The following CELF2 variants were observed in gnomAD, a reference collection of about 807,000 sequenced individuals.
The protein encoded by CELF2 is CUG triplet repeat RNA-binding protein 2.
CELF2 carries 8 observed loss-of-function variants against 62.6 expected under a neutral mutation model. The ratio of observed to expected loss-of-function variants is 0.13; its 90% CI spans 0.07 to 0.23. The LOEUF (loss-of-function observed/expected upper bound fraction) is 0.23. CELF2 is among the 10% of genes least tolerant of loss of function. CELF2 has a pLI of 1.00. For missense variants in CELF2, 333 were observed against 671.0 expected, an observed-to-expected ratio of 0.50 and a Z score of 5.56; for synonymous variants, 258 against 250.0, an observed-to-expected ratio of 1.03 and a Z score of -0.30.
the CELF2 span, among the ~76,000 whole-genome samples, chr10:10,587,274 T>C: frequency 6.6e-6 from 1 of 152,222 alleles, no homozygotes; most frequent in Non-Finnish European, 1.5e-5. Context: ...AAAATGTCGA[T>C]AGGACATGCA....
the CELF2 span, among the ~76,000 whole-genome samples, chr10:10,500,257 A>G: frequency 6.6e-6 from 1 of 152,240 alleles, no homozygotes; most frequent in African/African-American, 2.4e-5. Flanking sequence ...ACATATAGTT[A>G]CAAGAAATAA....
the CELF2 span, among the ~76,000 whole-genome samples, chr10:10,506,606 T>C: frequency 1.3e-5 from 2 of 150,050 alleles, no homozygotes; most frequent in Admixed American, 6.7e-5. Flanking sequence ...GTTATAATCC[T>C]GGACTCTGGA....
At chr10:10,774,540 C>T in the CELF2 span, among the ~76,000 whole-genome samples, 2 of 152,148 alleles carry the variant, frequency 1.3e-5, no homozygotes, top group African/African-American at 2.4e-5. Context: ...TGGCACCTTC[C>T]CTGCCCCCGC....
chr10:11,319,042 T>G lies in CELF2; in HGVS notation c.1097-2147T>G, dbSNP rs1367164361. 2.1e-6 allele frequency: 1 copy of G among 471,004 alleles called. No individual in the cohort carries two copies. Among genetic ancestry groups the G allele is most frequent in the South Asian group, 1.5e-5 (1 of 64,568 alleles). The allele number at this position is 471,004 out of a possible 1,614,324, so 29.2% of individuals were successfully genotyped here. Reference sequence around the variant, plus strand: ...CCTCGTCTGGCAGCAAGGCCCCACATGGCTCTGCAGGCTGCGAGGCACACC... The same window carrying G: ...CCTCGTCTGGCAGCAAGGCCCCACAGGGCTCTGCAGGCTGCGAGGCACACC... On this transcript the variant is annotated intron_variant, in intron 10 of 12. Transcript: ENST00000633077. This position sits in a 1 kb window ranked among gnomAD's most constrained non-coding sequence, Gnocchi z 4.4.
chr10:10,714,127 T>C, the CELF2 span, among the ~76,000 whole-genome samples: 2 of 152,148 alleles, frequency 1.3e-5, no homozygotes, highest in Non-Finnish European at 2.9e-5. Context: ...AGTCTTTAGA[T>C]GGTGATTAAA....
At chr10:11,323,075 T>C (rs2095528578) in intron 11 of CELF2, among the ~76,000 whole-genome samples, 1 of 151,656 alleles carries the variant, frequency 6.6e-6, no homozygotes, top group Non-Finnish European at 1.5e-5. Context: ...TGAAACAACA[T>C]GTTTCGAAAC....
the CELF2 span, among the ~76,000 whole-genome samples, chr10:10,687,593 G>C: frequency 6.6e-6 from 1 of 151,920 alleles, no homozygotes. Context: ...ATCTCCCTAG[G>C]GCACTCACTG....
the CELF2 span, among the ~76,000 whole-genome samples, chr10:10,503,108 G>A: frequency 7.2e-5 from 11 of 151,960 alleles, no homozygotes; most frequent in South Asian, 1.2e-3. Flanking sequence ...CATGATTTCT[G>A]TTTTTTACAT....
At chr10:11,094,002 G>C (rs538307012) in intron 1 of CELF2, among the ~76,000 whole-genome samples, 1 of 152,280 alleles carries the variant, frequency 6.6e-6, no homozygotes, top group South Asian at 2.1e-4. Flanking sequence ...TTACAGATGA[G>C]ATCAGACCAA....
intron 1 of CELF2, among the ~76,000 whole-genome samples, chr10:10,872,271 C>G (rs928059726): frequency 6.6e-6 from 1 of 152,070 alleles, no homozygotes; most frequent in African/African-American, 2.4e-5. Flanking sequence ...GACTGTGTAA[C>G]GCAGAGGCCA....
At position 11,110,084 on chromosome 10, in the gene CELF2, C is replaced by A. The variant is rs1208962955; in HGVS notation, c.75-55402C>A. ...GACCAGCTTGGGCAACATAGCAAGA[C>A]CTCATTGCTACTAAAAATTTTTAAA... is the stretch of plus-strand genomic sequence containing the variant. On this transcript the variant is annotated intron_variant, in intron 1 of 12. Coordinates refer to ENST00000633077, the MANE Select transcript of CELF2 (RefSeq NM_001326342.2). The surrounding 1 kb of genome is among the most constrained non-coding windows in gnomAD (Gnocchi z 4.0). 2.0e-5 allele frequency among the ~76,000 whole-genome samples: 3 copies of A among 151,922 alleles called. No homozygotes were observed. The highest frequency in any genetic ancestry group is 1.5e-5 in the Non-Finnish European group (1 of 67,996).
At chr10:11,097,344 C>T (rs529518401) in intron 1 of CELF2, 1 of 152,242 alleles carries the variant, frequency 6.6e-6, no homozygotes, top group African/African-American at 2.4e-5. Flanking sequence ...TTTCCATTTG[C>T]TTTTCAAGCA....
chr10:11,162,937 C>T (rs2066057833), intron 1 of CELF2, among the ~76,000 whole-genome samples: 1 of 152,120 alleles, frequency 6.6e-6, no homozygotes, highest in East Asian at 1.9e-4. Flanking sequence ...GGAAGAGGTG[C>T]TGCCAGAACT....
the CELF2 span, among the ~76,000 whole-genome samples, chr10:10,748,009 T>C: frequency 1.3e-5 from 2 of 152,102 alleles, no homozygotes; most frequent in African/African-American, 2.4e-5. Context: ...CACCCATAGA[T>C]AGGAGCTTAA....
At chr10:10,647,925 C>A in the CELF2 span, among the ~76,000 whole-genome samples, 2 of 152,274 alleles carry the variant, frequency 1.3e-5, no homozygotes, top group East Asian at 3.9e-4. Context: ...TAGGACCAAT[C>A]CATTGTTACG....
Position 11,217,684 on chromosome 10 carries a change from G to T in CELF2, c.354+177G>T, listed in dbSNP as rs555577053. On this transcript the variant is annotated intron_variant, in intron 3 of 12. Transcript: ENST00000633077. This position sits in a 1 kb window ranked among gnomAD's most constrained non-coding sequence, Gnocchi z 5.6. ...CCAGCTGGCCAGCCCATAAAGGAGC[G>T]CTGGCATTAACACTGACGGGAAGCA... Among the ~76,000 whole-genome samples the T allele has an allele frequency of 1.3e-5, 2 of 152,136 alleles. No individual in the cohort carries two copies. The highest frequency in any genetic ancestry group is 2.4e-5 in the African/African-American group (1 of 41,420).
At chr10:10,951,206 C>T (rs973327218) in intron 2 of CELF2, among the ~76,000 whole-genome samples, 1 of 152,054 alleles carries the variant, frequency 6.6e-6, no homozygotes, top group Non-Finnish European at 1.5e-5. Flanking sequence ...GCTGGAGATA[C>T]GATCATAGTT....
chr10:11,032,932 C>G (rs74847430), intron 1 of CELF2, among the ~76,000 whole-genome samples: 3,360 of 152,254 alleles, frequency 0.022, 53 homozygotes, highest in African/African-American at 0.044. Context: ...ATGATAAACT[C>G]AAATGTATGT....
In CELF2 at chr10:11,334,477, C is replaced by T. The variant is rs1387833577; in HGVS notation, c.*5424C>T. ...TCTATGTTGTGTAAAAAGATACAGT[C>T]GATTCCACTTAAGTGAATATCTGAT... is the stretch of plus-strand genomic sequence containing the variant. On this transcript the variant is annotated 3_prime_UTR_variant, in exon 13 of 13. Transcript: ENST00000633077. The T allele has an allele frequency of 6.6e-6, 1 of 152,594 alleles. No homozygotes were observed. The highest frequency in any genetic ancestry group is 1.5e-5 in the Non-Finnish European group (1 of 68,044). The allele number at this position is 152,594 out of a possible 1,614,324, so 9.5% of individuals were successfully genotyped here.
Sources: gnomAD v4.1 joint callset for allele counts (sites outside exome capture counted in the v4.1 genomes callset) on GRCh38, gnomAD v4.1.1 for gene constraint, Gnocchi (gnomAD v3.1) non-coding constraint, MANE v1.5 for transcripts, NCBI Gene and HGNC (gene_info 2026-07-23, HGNC 2026-07-21) for gene names.